MRPL20: variants seen among roughly 807,000 people sequenced by gnomAD.
MRPL20 encodes mitochondrial ribosomal protein L20, also known as large ribosomal subunit protein bL20m.
MRPL20 carries 21 observed loss-of-function variants against 20.0 expected under a neutral mutation model. That is an observed-to-expected ratio of 1.05 (90% CI 0.74 to 1.51). MRPL20 has a LOEUF of 1.51. Among genes scored for constraint, MRPL20 ranks in the 40% most tolerant of loss-of-function variants. The pLI is 0.00. For synonymous variants in MRPL20, 104 were observed against 73.0 expected, an observed-to-expected ratio of 1.43 and a Z score of -2.17; for missense variants, 252 against 185.6, an observed-to-expected ratio of 1.36 and a Z score of -2.08.
intron 2 of MRPL20, chr1:1,406,569 G>A (rs1457257475): frequency 8.3e-6 from 3 of 363,000 alleles, no homozygotes; most frequent in Non-Finnish European, 1.6e-5. Flanking sequence ...GCAAGGGGCT[G>A]GGTTGACTTC....
Position 1,405,865 on chromosome 1 carries a change from C to A in MRPL20, c.220G>T (p.Ala74Ser). ...TTCAGTCCATGTTCCTGGCTAGCAG[C>A]TGTAATTCGATTAATCCAGAGCTGA... The part of the protein sequence containing the change: ...MRTLWINRIT[A>S]ASQEHGLKYP... The change falls in exon 3 of 4, where the codon GCT becomes TCT. Residue 74 changes from alanine to serine, a missense_variant. By Grantham distance (99) the Ala-to-Ser change is moderately conservative. Transcript: ENST00000344843. 1 of 1,613,590 alleles carries A rather than the reference C, an allele frequency of 6.2e-7. No homozygotes were observed. Among genetic ancestry groups the A allele is most frequent in the East Asian group, 2.2e-5 (1 of 44,870 alleles).
At chr1:1,402,467 G>T in intron 3 of MRPL20, 1 of 1,320,846 alleles carries the variant, frequency 7.6e-7, no homozygotes, top group South Asian at 2.1e-5. Context: ...AGCACCTGTG[G>T]AATCTGCAGG....
At chr1:1,402,579 C>A (rs1645342251) in intron 3 of MRPL20, 10 of 1,073,642 alleles carry the variant, frequency 9.3e-6, no homozygotes, top group Non-Finnish European at 1.0e-5. Context: ...CTAGGGTAAC[C>A]CTTTAAGCCA....
chr1:1,404,300 C>G (rs1397529430), intron 3 of MRPL20, among the ~76,000 whole-genome samples: 2 of 151,066 alleles, frequency 1.3e-5, no homozygotes, highest in African/African-American at 2.4e-5. Flanking sequence ...ACTACAGATG[C>G]CCGCCACCAC....
rs1455783660 is a variant in MRPL20 at position 1,402,089 on chromosome 1, G to A, written c.444C>T (p.Tyr148=). 2 of 1,613,486 alleles carry A rather than the reference G, an allele frequency of 1.2e-6. No homozygotes were observed. The highest frequency in any genetic ancestry group is 1.7e-5 in the Admixed American group (1 of 59,852). The part of the protein sequence containing the change: ...PEGIFSRVVQ[Y]H Reference sequence around the variant, plus strand: ...ATCAATACAGCAACAGTCCTCAGTGGTACTGCACCACTCTGGAAAAAATGC... The same window carrying A: ...ATCAATACAGCAACAGTCCTCAGTGATACTGCACCACTCTGGAAAAAATGC... The change falls in exon 4 of 4, where the codon TAC becomes TAT. Residue 148 remains tyrosine, a synonymous_variant. Transcript: ENST00000344843.
intron 2 of MRPL20, 186 bp from the exon 3 acceptor site, chr1:1,406,072 C>G: frequency 1.2e-6 from 1 of 818,732 alleles, no homozygotes; most frequent in Non-Finnish European, 1.8e-6. Context: ...CAGCAAAAAC[C>G]CAGCTGGGCA....
chr1:1,404,745 C>T (rs751553812), intron 3 of MRPL20, among the ~76,000 whole-genome samples: 15 of 152,114 alleles, frequency 9.9e-5, no homozygotes, highest in East Asian at 9.7e-4. Context: ...ATGATCTGTC[C>T]GCCTCAGCCT....
At chr1:1,406,815 G>A in intron 2 of MRPL20, 94 bp downstream of exon 2, 5 of 1,059,304 alleles carry the variant, frequency 4.7e-6, no homozygotes, top group Non-Finnish European at 5.9e-6. Flanking sequence ...AGGGGCTGAG[G>A]GTGGCCGGGC....
chr1:1,402,877 T>G (rs535500976), intron 3 of MRPL20, among the ~76,000 whole-genome samples: 2 of 151,834 alleles, frequency 1.3e-5, no homozygotes, highest in African/African-American at 4.8e-5. Flanking sequence ...GCCTGTAATC[T>G]GAGCACTTTG....
At chr1:1,403,213 C>T (rs1299201107) in intron 3 of MRPL20, among the ~76,000 whole-genome samples, 2 of 151,636 alleles carry the variant, frequency 1.3e-5, no homozygotes, top group African/African-American at 2.4e-5. Context: ...CTACCTGTGA[C>T]CTGTATGCTT....
rs1645335942 is a variant in MRPL20, at chr1:1,402,113, G to T, written c.420C>A (p.Gly140=). 1 of 1,613,994 alleles carries T rather than the reference G, an allele frequency of 6.2e-7. No individual in the cohort carries two copies. Among genetic ancestry groups the T allele is most frequent in the African/African-American group, 1.3e-5 (1 of 74,924 alleles). ...GGTACTGCACCACTCTGGAAAAAATGCCTTCAGGTTCCTTCCCATCCCCCA... is the reference window on the plus strand; with the variant it reads ...GGTACTGCACCACTCTGGAAAAAATTCCTTCAGGTTCCTTCCCATCCCCCA... ...AALGDGKEPE[G]IFSRVVQYH The change falls in exon 4 of 4, where the codon GGC becomes GGA. Residue 140 remains glycine, a synonymous_variant. Transcript: ENST00000344843.
Position 1,401,999 on chromosome 1 carries a change from A to G in MRPL20, c.*84T>C, listed in dbSNP as rs1360416370. The G allele has an allele frequency of 1.5e-5, 22 of 1,454,944 alleles. No homozygotes were observed. In the East Asian group the frequency reaches 2.8e-4, roughly 18 times the overall value. 90.1% of individuals were successfully genotyped at this position (1,454,944 alleles called of 1,614,324 possible). On this transcript the variant is annotated 3_prime_UTR_variant, in exon 4 of 4. Transcript: ENST00000344843. ...GACAGGGCCATCCCTCATGTCTGTT[A>G]TTGGGTTGTAGATAAACAAAAGTAT...
chr1:1,406,895 G>A lies in MRPL20; in HGVS notation c.198+14C>T, dbSNP rs1399535877. 2 of 1,606,026 alleles carry A rather than the reference G, an allele frequency of 1.2e-6. No individual in the cohort carries two copies. The highest frequency in any genetic ancestry group is 1.7e-6 in the Non-Finnish European group (2 of 1,173,120). Reference sequence around the variant, plus strand: ...GAGTGCGCTGGCCGGCGGGTGTCCCGGGTCCACGCTTACGGTCCTCATGTT... The same window carrying A: ...GAGTGCGCTGGCCGGCGGGTGTCCCAGGTCCACGCTTACGGTCCTCATGTT... On this transcript the variant is annotated intron_variant, in intron 2 of 3. Transcript: ENST00000344843.
chr1:1,403,127 C>CAAAAAAAA (rs113198351), intron 3 of MRPL20, among the ~76,000 whole-genome samples: 5,926 of 137,878 alleles, frequency 0.043, 148 homozygotes, highest in South Asian at 0.08. Context: ...AGATTGTATC[C>CAAAAAAAA]AAAAAAAAAA....
chr1:1,402,290 T>C lies in MRPL20; in HGVS notation c.277-34A>G, dbSNP rs1570062597. On this transcript the variant is annotated intron_variant, in intron 3 of 3. Coordinates refer to ENST00000344843, the MANE Select transcript of MRPL20 (RefSeq NM_017971.4). Reference sequence around the variant, plus strand: ...AGAATGAATCAGAACCTGCTGTCAGTGTGAGACACACACTCCGGCTCCGCG... The same window carrying C: ...AGAATGAATCAGAACCTGCTGTCAGCGTGAGACACACACTCCGGCTCCGCG... 6.3e-6 allele frequency: 10 copies of C among 1,586,704 alleles called. No individual in the cohort carries two copies. In the East Asian group the frequency reaches 1.8e-4, roughly 28 times the overall value.
intron 3 of MRPL20, among the ~76,000 whole-genome samples, chr1:1,403,538 G>A (rs899351139): frequency 3.9e-5 from 6 of 151,956 alleles, no homozygotes; most frequent in Admixed American, 2.0e-4. Context: ...CACCGTGCCC[G>A]GCCAAGTATG....
chr1:1,407,054 G>C (rs769381319), intron 1 of MRPL20, 35 bp from the exon 2 acceptor site: 2 of 1,610,776 alleles, frequency 1.2e-6, no homozygotes, highest in South Asian at 1.1e-5. Flanking sequence ...GGTTGTCAGC[G>C]GGGCCCGCGC....
chr1:1,406,612 A>C, intron 2 of MRPL20: 1 of 440,510 alleles, frequency 2.3e-6, no homozygotes, highest in Non-Finnish European at 4.2e-6. Flanking sequence ...CACCGGAGGG[A>C]TGAGAGCAGC....
intron 3 of MRPL20, among the ~76,000 whole-genome samples, chr1:1,402,828 A>T (rs188961891): frequency 8.1e-4 from 123 of 152,218 alleles, no homozygotes; most frequent in Admixed American, 1.8e-3. Context: ...ACTAAAAAAT[A>T]CAAGAAAAAA....
Sources: allele counts gnomAD v4.1 joint callset (sites outside exome capture counted in the v4.1 genomes callset), GRCh38; gene constraint gnomAD v4.1.1; transcripts MANE v1.5; gene names NCBI Gene and HGNC (gene_info 2026-07-23, HGNC 2026-07-21).